Variants in DDX60L observed in about 807,000 individuals in gnomAD.
DDX60L encodes probable ATP-dependent RNA helicase DDX60-like.
In DDX60L, 191 loss-of-function variants were observed where a neutral mutation model predicts 211.6. That is an observed-to-expected ratio of 0.90 (90% CI 0.80 to 1.02). DDX60L has a LOEUF of 1.02. Ranked by LOEUF, DDX60L falls within the 50% of genes least tolerant of loss-of-function variation. DDX60L has a pLI of 0.00. For synonymous variants in DDX60L, 706 were observed against 694.1 expected (o/e 1.02, Z -0.27); for missense variants, 2,007 against 1,984.1 (o/e 1.01, Z -0.22).
intron 17 of DDX60L, 56 bp from the exon 18 acceptor site, chr4:168,420,436 C>A: frequency 2.0e-6 from 3 of 1,484,506 alleles, no homozygotes; most frequent in Non-Finnish European, 2.7e-6. Flanking sequence ...ACATATAAAA[C>A]CTTGAGGACA....
chr4:168,472,413 T>C (rs1758911223), intron 3 of DDX60L, 42 bp downstream of exon 3: 5 of 1,373,616 alleles, frequency 3.6e-6, no homozygotes, highest in Non-Finnish European at 5.1e-6. Flanking sequence ...ACACAGAGCA[T>C]ACAATAGTAT....
intron 14 of DDX60L, among the ~76,000 whole-genome samples, chr4:168,424,352 T>C (rs376481119): frequency 2.6e-5 from 4 of 152,350 alleles, no homozygotes; most frequent in East Asian, 3.9e-4. Flanking sequence ...TGTTCACTTA[T>C]AGCCTCTTTA....
rs558799360 is a variant in DDX60L at position 168,402,776 on chromosome 4, G to C, written c.3338+1206C>G. On this transcript the variant is annotated intron_variant, in intron 25 of 37. Transcript: ENST00000682922. ...GACCCAGCTTGAGCCTAAACCAACT[G>C]TCATAGAGTTCTCAATGTTCCAGAG... Among the ~76,000 whole-genome samples the C allele has an allele frequency of 7.9e-5, 12 of 152,246 alleles. 1 individual carries two copies. Among genetic ancestry groups the C allele is most frequent in the African/African-American group, 2.6e-4 (11 of 41,550 alleles).
At chr4:168,390,603 C>T (rs1744625270) in intron 29 of DDX60L, 5 of 861,344 alleles carry the variant, frequency 5.8e-6, no homozygotes, top group African/African-American at 1.8e-5. Context: ...TATAATTTAT[C>T]TTTTATATTT....
intron 8 of DDX60L, among the ~76,000 whole-genome samples, chr4:168,451,462 C>T (rs1299510264): frequency 6.6e-6 from 1 of 152,204 alleles, no homozygotes; most frequent in African/African-American, 2.4e-5. Flanking sequence ...TTCCTTCTCC[C>T]TTCTGCCTCA....
At position 168,373,815 on chromosome 4, in the gene DDX60L, AT is replaced by A. The variant is rs1741455447; in HGVS notation, c.4634-8del. Reference sequence around the variant, plus strand: ...CATTCTTTACCTGTGAATTCTGACCATTTTGGACTAGGTCACGTTAGGTTTT... The same window carrying A: ...CATTCTTTACCTGTGAATTCTGACCATTTGGACTAGGTCACGTTAGGTTTT... On this transcript the variant is annotated splice_polypyrimidine_tract_variant and splice_region_variant and intron_variant, in intron 34 of 37. Coordinates refer to ENST00000682922, the MANE Select transcript of DDX60L (RefSeq NM_001012967.3). 9 of 1,612,260 alleles carry A rather than the reference AT, an allele frequency of 5.6e-6. No individual in the cohort carries two copies. In the Middle Eastern group the frequency reaches 1.5e-3, roughly 267 times the overall value.
chr4:168,412,206 G>C (rs771732447), intron 22 of DDX60L, among the ~76,000 whole-genome samples: 11 of 151,952 alleles, frequency 7.2e-5, no homozygotes, highest in Non-Finnish European at 1.3e-4. Flanking sequence ...GAAGAAAAGA[G>C]AGGGAAGAGT....
chr4:168,475,412 T>G (rs991315137), intron 1 of DDX60L, among the ~76,000 whole-genome samples: 4 of 152,216 alleles, frequency 2.6e-5, no homozygotes, highest in African/African-American at 9.6e-5. Context: ...CATTTCCTAT[T>G]TGGATCTGAT....
In DDX60L at chr4:168,416,723, CA is replaced by C; in HGVS notation, c.2684del (p.Leu895TrpfsTer7). 6.2e-7 allele frequency: 1 copy of C among 1,605,906 alleles called. No individual in the cohort carries two copies. On this transcript the variant is annotated frameshift_variant, in exon 20 of 38. Transcript: ENST00000682922. LOFTEE classifies it high-confidence loss of function. ...LLLVIIRCPF[L>X]VLSATINNPN... The stretch of plus-strand genomic sequence containing the variant: ...GGTTATTTATGGTAGCTGAAAGAAC[CA>C]AAAAGGGACATCGAATAATGACAAG...
At chr4:168,429,863 T>G (rs1752068331) in intron 13 of DDX60L, among the ~76,000 whole-genome samples, 1 of 152,196 alleles carries the variant, frequency 6.6e-6, no homozygotes. Flanking sequence ...ACTCCAGTCA[T>G]GTGAAGTGCC....
rs753725835 is a variant in DDX60L, at chr4:168,427,065, C to T, written c.1930+5G>A. 1.3e-6 allele frequency: 2 copies of T among 1,598,056 alleles called. No homozygotes were observed. Among genetic ancestry groups the T allele is most frequent in the South Asian group, 2.3e-5 (2 of 88,604 alleles). ...TCTTTATCCATAGAGTATGGAGTCC[C>T]ATACCTTCACCTCGGCAATGTTTTT... On this transcript the variant is annotated splice_donor_5th_base_variant and intron_variant, in intron 14 of 37. Transcript: ENST00000682922.
chr4:168,435,336 A>G (rs1419027512), intron 10 of DDX60L, among the ~76,000 whole-genome samples: 1 of 152,222 alleles, frequency 6.6e-6, no homozygotes, highest in Non-Finnish European at 1.5e-5. Context: ...ATTGTAAGCC[A>G]AAAGTAATAC....
chr4:168,414,711 A>G (rs1749243291), intron 22 of DDX60L, among the ~76,000 whole-genome samples: 1 of 152,132 alleles, frequency 6.6e-6, no homozygotes, highest in East Asian at 1.9e-4. Context: ...TTGCAACAAC[A>G]TAGATGGAAT....
At chr4:168,468,370 T>G (rs1232619559) in intron 4 of DDX60L, among the ~76,000 whole-genome samples, 1 of 151,988 alleles carries the variant, frequency 6.6e-6, no homozygotes, top group East Asian at 1.9e-4. Flanking sequence ...TCTACCAAAT[T>G]AAGAAAGTAA....
chr4:168,407,822 G>T (rs1049057921), intron 22 of DDX60L, among the ~76,000 whole-genome samples: 1 of 152,154 alleles, frequency 6.6e-6, no homozygotes, highest in Non-Finnish European at 1.5e-5. Flanking sequence ...ACTCCCTGGG[G>T]TTCTGTTTTT....
chr4:168,391,704 A>G (rs756158744), intron 28 of DDX60L, 60 bp from the exon 29 acceptor site: 13 of 920,410 alleles, frequency 1.4e-5, no homozygotes, highest in Non-Finnish European at 2.1e-5. Flanking sequence ...AGGACACAAG[A>G]TCTATTTTCC....
At chr4:168,416,539 C>T in intron 20 of DDX60L, 143 bp downstream of exon 20, 1 of 485,952 alleles carries the variant, frequency 2.1e-6, no homozygotes, top group Non-Finnish European at 3.4e-6. Flanking sequence ...GGCAACAAAG[C>T]AAGACCACTG....
At chr4:168,471,963 A>G in intron 3 of DDX60L, 27 bp from the exon 4 acceptor site, 1 of 1,517,368 alleles carries the variant, frequency 6.6e-7, no homozygotes, top group Non-Finnish European at 8.9e-7. Context: ...AGAGAATAAA[A>G]ATCACAGATG....
chr4:168,406,842 A>C, intron 22 of DDX60L, 136 bp from the exon 23 acceptor site: 2 of 637,902 alleles, frequency 3.1e-6, no homozygotes, highest in Non-Finnish European at 2.7e-6. Flanking sequence ...ATCAACTGTA[A>C]TATTTCACCT....
Sources: allele counts gnomAD v4.1 joint callset (sites outside exome capture counted in the v4.1 genomes callset), GRCh38; gene constraint gnomAD v4.1.1; transcripts MANE v1.5; gene names NCBI Gene and HGNC (gene_info 2026-07-23, HGNC 2026-07-21).